The following COL9A1 variants were observed in gnomAD, a reference collection of about 807,000 sequenced individuals.
The protein encoded by COL9A1 is collagen alpha-1(IX) chain.
A neutral mutation model predicts 142.6 loss-of-function variants in COL9A1; 104 were observed. The observed-to-expected ratio is 0.73, with a 90% CI of 0.62 to 0.86. The LOEUF is 0.86. COL9A1 is among the 40% of genes least tolerant of loss of function. COL9A1 has a pLI of 0.00. For synonymous variants in COL9A1, 466 were observed against 396.0 expected (o/e 1.18, Z -2.10); for missense variants, 1,210 against 1,176.6 (o/e 1.03, Z -0.42).
chr6:70,281,041 T>G lies in COL9A1; in HGVS notation c.877-2A>C. On this transcript the variant is annotated splice_acceptor_variant, in intron 8 of 37. Coordinates refer to ENST00000357250, the MANE Select transcript of COL9A1 (RefSeq NM_001851.6). LOFTEE classifies it high-confidence loss of function. ...GGGGCCCTTAGGACCTCGGTCACCC[T>G]GGAGGGGTAGGAGAAAAAGAGAGAG... The G allele has an allele frequency of 6.2e-7, 1 of 1,608,848 alleles. No individual in the cohort carries two copies. The highest frequency in any genetic ancestry group is 8.5e-7 in the Non-Finnish European group (1 of 1,178,180).
Position 70,262,235 on chromosome 6 carries a change from A to T in COL9A1, c.1395+1009T>A, listed in dbSNP as rs187617498. 3.1e-3 allele frequency among the ~76,000 whole-genome samples: 471 copies of T among 152,080 alleles called. 1 individual carries two copies. Among genetic ancestry groups the T allele is most frequent in the African/African-American group, 0.011 (437 of 41,488 alleles). ...CTACCTGCGAAAGAGTCCAGCTCCTAGTGTCTCATATGGCAAACACTCAGG... is the reference window on the plus strand; with the variant it reads ...CTACCTGCGAAAGAGTCCAGCTCCTTGTGTCTCATATGGCAAACACTCAGG... On this transcript the variant is annotated intron_variant, in intron 19 of 37. Coordinates refer to ENST00000357250, the MANE Select transcript of COL9A1 (RefSeq NM_001851.6).
At chr6:70,286,077 C>T (rs1773440044) in intron 5 of COL9A1, among the ~76,000 whole-genome samples, 1 of 151,994 alleles carries the variant, frequency 6.6e-6, no homozygotes, top group African/African-American at 2.4e-5. Context: ...TTAGTAGAGA[C>T]GGGATTTCAC....
rs773476642 is a variant in COL9A1, at chr6:70,241,996, G to T, written c.1966C>A (p.Pro656Thr). ...GSPGLPGLPG[P>T]PGLPGMKGDR... ...CCTTTCATTCCAGGAAGTCCAGGGG[G>T]CCCAGGCAAGCCAGGGAGGCCAGGG... The change falls in exon 30 of 38, where the codon CCC becomes ACC. Residue 656 changes from proline (P) to threonine (T), a missense_variant. Coordinates refer to ENST00000357250, the MANE Select transcript of COL9A1 (RefSeq NM_001851.6). The T allele has an allele frequency of 5.0e-6, 8 of 1,599,730 alleles. No individual in the cohort carries two copies. Among genetic ancestry groups the T allele is most frequent in the Non-Finnish European group, 6.8e-6 (8 of 1,172,102 alleles).
intron 5 of COL9A1, among the ~76,000 whole-genome samples, chr6:70,289,845 AT>A (rs1200953290): frequency 6.6e-6 from 1 of 152,264 alleles, no homozygotes; most frequent in East Asian, 1.9e-4. Flanking sequence ...CAGCCTCATA[AT>A]TTATTTTTCC....
intron 5 of COL9A1, among the ~76,000 whole-genome samples, chr6:70,289,236 T>C (rs905920286): frequency 2.6e-5 from 4 of 152,134 alleles, no homozygotes; most frequent in Admixed American, 6.5e-5. Flanking sequence ...TGAACAAAGA[T>C]TTCTTTATGG....
chr6:70,251,984 C>A, intron 28 of COL9A1, 136 bp downstream of exon 28: 2 of 935,602 alleles, frequency 2.1e-6, no homozygotes, highest in Admixed American at 3.4e-5. Flanking sequence ...AATAGCATTT[C>A]ATCTCCTTGT....
At chr6:70,254,917 G>T in intron 24 of COL9A1, 46 bp downstream of exon 24, 1 of 1,564,734 alleles carries the variant, frequency 6.4e-7, no homozygotes, top group South Asian at 1.1e-5. Flanking sequence ...AGTTGGCCAG[G>T]GCAGAGACAG....
intron 33 of COL9A1, among the ~76,000 whole-genome samples, chr6:70,237,913 A>G (rs17692231): frequency 0.048 from 7,278 of 152,302 alleles, 242 homozygotes; most frequent in Non-Finnish European, 0.075. Flanking sequence ...ATAGATCGAA[A>G]TGCTTAAGTA....
At chr6:70,237,524 AGATGAATC>A (rs1769991777) in intron 33 of COL9A1, among the ~76,000 whole-genome samples, 1 of 152,246 alleles carries the variant, frequency 6.6e-6, no homozygotes, top group Non-Finnish European at 1.5e-5. Context: ...GTGGGGAAGG[AGATGAATC>A]AAGAGCTAAT....
intron 4 of COL9A1, among the ~76,000 whole-genome samples, chr6:70,296,308 T>A (rs759866048): frequency 6.6e-6 from 1 of 152,170 alleles, no homozygotes; most frequent in Non-Finnish European, 1.5e-5. Context: ...AATTATTTTA[T>A]CCATACATCT....
chr6:70,258,453 A>G (rs140358578), intron 20 of COL9A1: 27 of 152,360 alleles, frequency 1.8e-4, no homozygotes, highest in African/African-American at 5.3e-4. Flanking sequence ...AGGTAGAATC[A>G]AAGAAGGAAC....
At chr6:70,222,710 T>C (rs1768956267) in intron 37 of COL9A1, 1 of 150,980 alleles carries the variant, frequency 6.6e-6, no homozygotes, top group Non-Finnish European at 1.5e-5. Context: ...ATATGTTAAA[T>C]GCCTTAGCAC....
chr6:70,231,119 T>C (rs544179), intron 36 of COL9A1, among the ~76,000 whole-genome samples: 76,585 of 151,934 alleles, frequency 0.5, 19,743 homozygotes, highest in African/African-American at 0.57. Context: ...TTCAGTGGAC[T>C]CAGTGTGGAC....
intron 4 of COL9A1, among the ~76,000 whole-genome samples, chr6:70,298,850 TG>T (rs1256465660): frequency 6.6e-6 from 1 of 152,246 alleles, no homozygotes; most frequent in African/African-American, 2.4e-5. Context: ...ACTGTTATCA[TG>T]GTTTTAATCT....
intron 37 of COL9A1, among the ~76,000 whole-genome samples, chr6:70,220,487 GTATTGAC>G (rs1768813554): frequency 6.6e-6 from 1 of 151,766 alleles, no homozygotes; most frequent in Non-Finnish European, 1.5e-5. Flanking sequence ...ACAAAGCACA[GTATTGAC>G]TTTTGCAGAG....
chr6:70,260,548 CAAA>C (rs34147259), intron 20 of COL9A1, 106 bp downstream of exon 20: 2,346 of 621,606 alleles, frequency 3.8e-3, no homozygotes, highest in Non-Finnish European at 4.2e-3. Flanking sequence ...AACTCCATCT[CAAA>C]AAAAAAAAAA....
chr6:70,253,611 A>G (rs1771091687), intron 25 of COL9A1, among the ~76,000 whole-genome samples, 182 bp from the exon 26 acceptor site: 1 of 152,240 alleles, frequency 6.6e-6, no homozygotes, highest in Non-Finnish European at 1.5e-5. Flanking sequence ...CCCACAGTTT[A>G]GAGGGCATGA....
intron 18 of COL9A1, among the ~76,000 whole-genome samples, chr6:70,263,694 T>G (rs1363498355): frequency 6.6e-6 from 1 of 151,970 alleles, no homozygotes; most frequent in Non-Finnish European, 1.5e-5. Flanking sequence ...TAGAAAAATG[T>G]AATTATACTA....
At position 70,245,432 on chromosome 6, in the gene COL9A1, G is replaced by C. The variant is rs900863918; in HGVS notation, c.1873-2717C>G. Among the ~76,000 whole-genome samples the C allele has an allele frequency of 5.9e-5, 9 of 152,104 alleles. No homozygotes were observed. In the South Asian group the frequency reaches 1.5e-3, roughly 25 times the overall value. On this transcript the variant is annotated intron_variant, in intron 28 of 37. Transcript: ENST00000357250. Reference sequence around the variant, plus strand: ...AAAAATTGCAACCTCAGGCGTAAACGGGTTACCCATGGCACCGGTAACCAC... The same window carrying C: ...AAAAATTGCAACCTCAGGCGTAAACCGGTTACCCATGGCACCGGTAACCAC...
Sources: allele counts gnomAD v4.1 joint callset (sites outside exome capture counted in the v4.1 genomes callset), GRCh38; gene constraint gnomAD v4.1.1; transcripts MANE v1.5; gene names NCBI Gene and HGNC (gene_info 2026-07-23, HGNC 2026-07-21).